Variants in SCFD2 observed in about 807,000 individuals in gnomAD.
SCFD2 encodes sec1 family domain-containing protein 2.
In SCFD2, 54 loss-of-function variants were observed where a neutral mutation model predicts 58.9. That is an observed-to-expected ratio of 0.92 (90% CI 0.74 to 1.15). The LOEUF is 1.15. Among genes scored for constraint, SCFD2 ranks in the 50% most tolerant of loss-of-function variants. The pLI, the probability that SCFD2 is intolerant of heterozygous loss-of-function variation, is 0.00. For missense variants in SCFD2, 805 were observed against 836.6 expected, an observed-to-expected ratio of 0.96 and a Z score of 0.47; for synonymous variants, 321 against 335.9, an observed-to-expected ratio of 0.96 and a Z score of 0.49.
At chr4:52,917,934 G>A (rs1175590414) in intron 6 of SCFD2, among the ~76,000 whole-genome samples, 1 of 152,224 alleles carries the variant, frequency 6.6e-6, no homozygotes, top group Non-Finnish European at 1.5e-5. Context: ...CTGAGACTTA[G>A]TGCATGCGCA....
intron 4 of SCFD2, among the ~76,000 whole-genome samples, chr4:53,214,577 A>G (rs995875162): frequency 3.3e-5 from 5 of 152,094 alleles, no homozygotes; most frequent in Admixed American, 1.3e-4. Context: ...AGTAGGTTGC[A>G]AAAATTTTCT....
chr4:53,096,569 T>A (rs1724642861), intron 5 of SCFD2, among the ~76,000 whole-genome samples: 1 of 151,944 alleles, frequency 6.6e-6, no homozygotes, highest in Non-Finnish European at 1.5e-5. Flanking sequence ...GGGGTTGTTT[T>A]TTTCTTGTAA....
intron 5 of SCFD2, among the ~76,000 whole-genome samples, chr4:53,025,274 A>G (rs1360017505): frequency 2.0e-5 from 3 of 152,238 alleles, no homozygotes; most frequent in Non-Finnish European, 2.9e-5. Flanking sequence ...TTTCCAAGTT[A>G]TCATGAATGA....
At chr4:53,352,563 G>A (rs1187803353) in intron 2 of SCFD2, 35 bp downstream of exon 2, 3 of 1,544,080 alleles carry the variant, frequency 1.9e-6, no homozygotes, top group Non-Finnish European at 2.7e-6. Context: ...GGGGAAGACA[G>A]AGAAAGATAA....
intron 2 of SCFD2, 72 bp from the exon 3 acceptor site, chr4:53,313,835 A>C: frequency 1.4e-6 from 2 of 1,431,572 alleles, no homozygotes; most frequent in African/African-American, 2.8e-5. Context: ...AAAGCAAAAT[A>C]CTTTTTAAAA....
chr4:53,002,479 GTT>G (rs1215033364), intron 5 of SCFD2, among the ~76,000 whole-genome samples: 1 of 152,112 alleles, frequency 6.6e-6, no homozygotes. Flanking sequence ...GGAAGGGTAA[GTT>G]TTCTTCCTAT....
At chr4:52,947,968 C>CAA (rs34494471) in intron 5 of SCFD2, among the ~76,000 whole-genome samples, 79 of 35,198 alleles carry the variant, frequency 2.2e-3, no homozygotes, top group South Asian at 9.9e-3. Context: ...AAAAATAGGC[C>CAA]AAAAAAAAAA....
intron 5 of SCFD2, among the ~76,000 whole-genome samples, chr4:53,061,447 T>C (rs1301915266): frequency 6.6e-6 from 1 of 152,160 alleles, no homozygotes; most frequent in East Asian, 1.9e-4. Flanking sequence ...CTGCTCTAAA[T>C]CATATGGACC....
chr4:52,952,113 G>A (rs189861391), intron 5 of SCFD2, among the ~76,000 whole-genome samples: 1 of 152,202 alleles, frequency 6.6e-6, no homozygotes, highest in Admixed American at 6.5e-5. Flanking sequence ...GAGAAGCCTG[G>A]ACTAGAGGCA....
intron 5 of SCFD2, among the ~76,000 whole-genome samples, chr4:52,993,672 C>T (rs1484824687): frequency 6.6e-6 from 1 of 152,220 alleles, no homozygotes; most frequent in Non-Finnish European, 1.5e-5. Flanking sequence ...CCACTCCACT[C>T]ATACCAGGCA....
At chr4:52,886,067 T>C (rs1718733485) in intron 7 of SCFD2, among the ~76,000 whole-genome samples, 1 of 152,142 alleles carries the variant, frequency 6.6e-6, no homozygotes, top group Non-Finnish European at 1.5e-5. Flanking sequence ...AAGTCCCGGG[T>C]AAATCCATGG....
At chr4:53,297,725 A>G (rs1732093431) in intron 3 of SCFD2, among the ~76,000 whole-genome samples, 2 of 152,156 alleles carry the variant, frequency 1.3e-5, no homozygotes, top group Non-Finnish European at 2.9e-5. Context: ...TTTGCCCGTT[A>G]GTTGATGCAG....
chr4:53,112,559 C>T (rs2148885633), intron 5 of SCFD2, among the ~76,000 whole-genome samples: 1 of 152,166 alleles, frequency 6.6e-6, no homozygotes, highest in Admixed American at 6.6e-5. Context: ...CATTACAGGA[C>T]ATAAAATAAT....
At chr4:52,970,648 C>G (rs1028538789) in intron 5 of SCFD2, among the ~76,000 whole-genome samples, 1 of 152,236 alleles carries the variant, frequency 6.6e-6, no homozygotes, top group Non-Finnish European at 1.5e-5. Context: ...ATGTCCCTGT[C>G]TGACAGCTTT....
intron 2 of SCFD2, among the ~76,000 whole-genome samples, chr4:53,343,387 C>G (rs1733947971): frequency 6.6e-6 from 1 of 152,138 alleles, no homozygotes; most frequent in South Asian, 2.1e-4. Flanking sequence ...CTTACACCCT[C>G]CCAAGACTAA....
chr4:52,959,077 C>T lies in SCFD2; in HGVS notation c.1562-38207G>A, dbSNP rs1349635105. ...GTGCCTCATGGTTCAGAGGTGGTCA[C>T]GTTGGCATTTGAATCCAGAAAGTCT... On this transcript the variant is annotated intron_variant, in intron 5 of 8. Coordinates refer to ENST00000401642, the MANE Select transcript of SCFD2 (RefSeq NM_152540.4). Among the ~76,000 whole-genome samples, 3 of 152,090 alleles carry T rather than the reference C, an allele frequency of 2.0e-5. No individual in the cohort carries two copies. The East Asian group carries it at 5.8e-4, about 29-fold the overall frequency.
chr4:53,208,170 G>A (rs1001970905), intron 4 of SCFD2, among the ~76,000 whole-genome samples: 1 of 150,800 alleles, frequency 6.6e-6, no homozygotes, highest in African/African-American at 2.4e-5. Flanking sequence ...GAGAGACAGC[G>A]TTTGCCATAT....
intron 5 of SCFD2, among the ~76,000 whole-genome samples, chr4:53,113,755 A>G (rs1385911400): frequency 6.6e-6 from 1 of 151,988 alleles, no homozygotes; most frequent in African/African-American, 2.4e-5. Flanking sequence ...AATTGGACAA[A>G]TGAACACATT....
chr4:52,943,619 C>G (rs549728306), intron 5 of SCFD2, among the ~76,000 whole-genome samples: 1 of 152,154 alleles, frequency 6.6e-6, no homozygotes, highest in African/African-American at 2.4e-5. Flanking sequence ...CTCCATAGAG[C>G]CCCTTTATAA....
Sources: gnomAD v4.1 joint callset for allele counts (sites outside exome capture counted in the v4.1 genomes callset) on GRCh38, gnomAD v4.1.1 for gene constraint, MANE v1.5 for transcripts, NCBI Gene and HGNC (gene_info 2026-07-23, HGNC 2026-07-21) for gene names.